The following CHIC1 variants were observed in gnomAD, a reference collection of about 807,000 sequenced individuals.
CHIC1 encodes cysteine-rich hydrophobic domain-containing protein 1.
Under a neutral mutation model 18.5 loss-of-function variants are expected in CHIC1, and 7 were observed. That is an observed-to-expected ratio of 0.38 (90% confidence interval 0.22 to 0.71). The LOEUF (loss-of-function observed/expected upper bound fraction) is 0.71, where lower values mean the gene tolerates loss of function less well. Ranked by LOEUF, CHIC1 falls within the 30% of genes least tolerant of loss-of-function variation. CHIC1 has a pLI of 0.49. For synonymous variants in CHIC1, 77 were observed against 73.5 expected (o/e 1.05, Z -0.25); for missense variants, 159 against 176.9 (o/e 0.90, Z 0.57).
At chrX:73,594,289 G>C (rs997884576) in intron 3 of CHIC1, among the ~76,000 whole-genome samples, 94 of 110,959 alleles carry the variant, frequency 8.5e-4, no homozygotes, top group African/African-American at 3.0e-3. Context: ...TTCTGCCTCA[G>C]CCTCTCCAGT....
chrX:73,574,806 C>T (rs1343261822), intron 1 of CHIC1, among the ~76,000 whole-genome samples: 1 of 110,215 alleles, frequency 9.1e-6, no homozygotes, highest in Non-Finnish European at 1.9e-5. Context: ...TTATTTGGAT[C>T]TTCTCTTTTT....
At chrX:73,664,188 C>G (rs767256916) in intron 3 of CHIC1, among the ~76,000 whole-genome samples, 2 of 111,605 alleles carry the variant, frequency 1.8e-5, no homozygotes, top group East Asian at 5.7e-4. Flanking sequence ...CACCTGATTA[C>G]TTATGGGGTT....
chrX:73,640,166 T>G (rs984582310), intron 3 of CHIC1, among the ~76,000 whole-genome samples: 7 of 111,618 alleles, frequency 6.3e-5, no homozygotes, highest in African/African-American at 2.3e-4. Context: ...TGGCTGTGGG[T>G]TTGTTCTAGA....
chrX:73,595,446 A>G (rs1030902491), intron 3 of CHIC1, among the ~76,000 whole-genome samples: 26 of 111,090 alleles, frequency 2.3e-4, no homozygotes, highest in African/African-American at 8.2e-4. Context: ...TTCCTGTGTT[A>G]GTTTGCTGAG....
At chrX:73,621,211 A>G (rs1356485282) in intron 3 of CHIC1, among the ~76,000 whole-genome samples, 2 of 111,772 alleles carry the variant, frequency 1.8e-5, no homozygotes, top group Non-Finnish European at 3.8e-5. Flanking sequence ...TGAAATTTAA[A>G]GTAGTTTTCT....
chrX:73,649,297 C>T (rs755926331), intron 3 of CHIC1, among the ~76,000 whole-genome samples: 60 of 111,297 alleles, frequency 5.4e-4, no homozygotes, highest in African/African-American at 1.4e-3. Context: ...TCAACTAGTG[C>T]GCAAAATAAC....
intron 3 of CHIC1, among the ~76,000 whole-genome samples, chrX:73,654,227 C>T (rs1286182976): frequency 5.4e-5 from 6 of 111,971 alleles, no homozygotes; most frequent in Non-Finnish European, 1.1e-4. Context: ...ACTCAGTTTG[C>T]TGAGAGTTTT....
At chrX:73,597,312 C>G (rs1239561660) in intron 3 of CHIC1, among the ~76,000 whole-genome samples, 1 of 110,646 alleles carries the variant, frequency 9.0e-6, no homozygotes, top group Non-Finnish European at 1.9e-5. Context: ...TGTTTACATC[C>G]TTTGTCCATT....
intron 3 of CHIC1, among the ~76,000 whole-genome samples, chrX:73,599,202 G>C (rs1463010863): frequency 3.6e-5 from 4 of 110,197 alleles, no homozygotes; most frequent in Non-Finnish European, 7.5e-5. Flanking sequence ...TTGTAAATCT[G>C]TTTGAGTTCA....
intron 3 of CHIC1, among the ~76,000 whole-genome samples, chrX:73,607,091 T>C (rs1234358234): frequency 9.2e-6 from 1 of 108,734 alleles, no homozygotes; most frequent in Non-Finnish European, 1.9e-5. Context: ...AGCCGCCCGT[T>C]CCCCCAGGTG....
At position 73,620,167 on chromosome X, in the gene CHIC1, C is replaced by T. The variant is rs2057753350; in HGVS notation, c.507+35595C>T. Among the ~76,000 whole-genome samples the T allele has an allele frequency of 3.6e-5, 4 of 112,111 alleles. No homozygotes were observed. The South Asian group carries it at 1.5e-3, about 42-fold the overall frequency. ...TGTGAACAGTGCTGCAATAAACATACACGTGCATGTGTCTTTAGAGTAGAA... is the reference window on the plus strand; with the variant it reads ...TGTGAACAGTGCTGCAATAAACATATACGTGCATGTGTCTTTAGAGTAGAA... On this transcript the variant is annotated intron_variant, in intron 3 of 5. Transcript: ENST00000373502.
chrX:73,577,429 G>C lies in CHIC1; in HGVS notation c.319G>C (p.Asp107His). The change falls in exon 2 of 6, where the codon GAT becomes CAT. Residue 107 changes from aspartate to histidine, a missense_variant. Physicochemically the swap from Asp to His is moderately conservative, Grantham distance 81. Coordinates refer to ENST00000373502, the MANE Select transcript of CHIC1 (RefSeq NM_001039840.4). ...AAGGTTTGGCTTGAGCAACAAGTTT[G>C]ATACTGAATTTCCCTCCGTTCTAAC... ...ITVFGLSNKF[D>H]TEFPSVLTGK... 8.3e-7 allele frequency: 1 copy of C among 1,199,552 alleles called. No homozygotes were observed. The highest frequency in any genetic ancestry group is 2.2e-5 in the Admixed American group (1 of 45,704).
chrX:73,655,283 C>CGTGT (rs1002330921), intron 3 of CHIC1, among the ~76,000 whole-genome samples: 6 of 101,141 alleles, frequency 5.9e-5, no homozygotes, highest in African/African-American at 2.2e-4. Flanking sequence ...TGTGTGTGTG[C>CGTGT]GTGTGTGTGT....
chrX:73,605,567 G>T (rs2057677966), intron 3 of CHIC1, among the ~76,000 whole-genome samples: 2 of 108,391 alleles, frequency 1.8e-5, no homozygotes, highest in Non-Finnish European at 3.8e-5. Flanking sequence ...CCTGTTAGTT[G>T]ATGCAGTTTC....
chrX:73,655,198 C>T lies in CHIC1; in HGVS notation c.508-24128C>T, dbSNP rs189350702. Among the ~76,000 whole-genome samples the T allele has an allele frequency of 6.4e-5, 7 of 108,949 alleles. No homozygotes were observed. In the East Asian group the frequency reaches 1.7e-3, roughly 27 times the overall value. The allele number at this position is 108,949 out of a possible 115,157, so 94.6% of individuals were successfully genotyped here. ...CGTTATTTGCTGAGGATAATGGCCT[C>T]GAGCTCCATTCATGTCACTTCAAAG... On this transcript the variant is annotated intron_variant, in intron 3 of 5. Transcript: ENST00000373502.
intron 3 of CHIC1, among the ~76,000 whole-genome samples, chrX:73,593,989 T>C (rs1168834363): frequency 9.0e-6 from 1 of 111,448 alleles, no homozygotes; most frequent in African/African-American, 3.3e-5. Flanking sequence ...TTTGAATTGC[T>C]GGAGTTATTG....
intron 3 of CHIC1, among the ~76,000 whole-genome samples, chrX:73,642,569 G>C (rs1262894233): frequency 8.6e-5 from 9 of 104,790 alleles, no homozygotes; most frequent in Admixed American, 5.2e-4. Flanking sequence ...ATTGCTTTTG[G>C]TGTTTTAGAC....
At chrX:73,672,086 T>C (rs1476996409) in intron 3 of CHIC1, among the ~76,000 whole-genome samples, 1 of 111,666 alleles carries the variant, frequency 9.0e-6, no homozygotes, top group African/African-American at 3.3e-5. Context: ...TGTCCCTACA[T>C]AGGACATGAA....
At chrX:73,568,398 ATATTAGGAGATCTTTTTCCAAATT>A (rs2057455051) in intron 1 of CHIC1, among the ~76,000 whole-genome samples, 1 of 111,718 alleles carries the variant, frequency 9.0e-6, no homozygotes, top group Non-Finnish European at 1.9e-5. Flanking sequence ...TCATAAATGG[ATATTAGGAGATCTTTTTCCAAATT>A]TTAAAAAATA....
Sources: allele counts gnomAD v4.1 joint callset (sites outside exome capture counted in the v4.1 genomes callset), GRCh38; gene constraint gnomAD v4.1.1; transcripts MANE v1.5; gene names NCBI Gene and HGNC (gene_info 2026-07-23, HGNC 2026-07-21).